The following STK33 variants were observed in gnomAD, a reference collection of about 807,000 sequenced individuals.
STK33 encodes the protein serine/threonine kinase 33.
STK33 carries 52 observed loss-of-function variants against 58.0 expected under a neutral mutation model. That is an observed-to-expected ratio of 0.90 (90% CI 0.72 to 1.13). STK33 has a LOEUF of 1.13. Among genes scored for constraint, STK33 ranks in the 50% most tolerant of loss-of-function variants. STK33 has a pLI of 0.00. For synonymous variants in STK33, 215 were observed against 200.1 expected, an observed-to-expected ratio of 1.07 and a Z score of -0.63; for missense variants, 630 against 604.2, an observed-to-expected ratio of 1.04 and a Z score of -0.45.
chr11:8,451,798 TA>T (rs1475155065), intron 11 of STK33, among the ~76,000 whole-genome samples: 3 of 152,184 alleles, frequency 2.0e-5, no homozygotes, highest in African/African-American at 7.2e-5. Context: ...TAAACTTCAA[TA>T]AAGCTGTTAA....
chr11:8,580,333 G>C (rs922421450), intron 1 of STK33, among the ~76,000 whole-genome samples: 5 of 152,158 alleles, frequency 3.3e-5, no homozygotes, highest in African/African-American at 1.2e-4. Context: ...GATGGAACTG[G>C]AGGTCATTAT....
chr11:8,459,211 A>G (rs936671347), intron 8 of STK33, among the ~76,000 whole-genome samples: 1 of 152,174 alleles, frequency 6.6e-6, no homozygotes, highest in African/African-American at 2.4e-5. Flanking sequence ...CCTGGAGAAC[A>G]CTTAGACTCA....
downstream of STK33, among the ~76,000 whole-genome samples, chr11:8,391,113 T>A (rs1042017976): frequency 6.6e-6 from 1 of 152,094 alleles, no homozygotes; most frequent in Admixed American, 6.5e-5. Flanking sequence ...ACTTAGCTAA[T>A]GAAGCCAGAG....
chr11:8,430,674 T>C (rs1460999702), intron 14 of STK33, among the ~76,000 whole-genome samples: 1 of 152,140 alleles, frequency 6.6e-6, no homozygotes, highest in East Asian at 1.9e-4. Flanking sequence ...TCTCTACCCG[T>C]GTTTTTGTTT....
At chr11:8,401,647 GCA>G (rs1369855085) in intron 15 of STK33, among the ~76,000 whole-genome samples, 26 of 152,192 alleles carry the variant, frequency 1.7e-4, no homozygotes, top group Non-Finnish European at 3.1e-4. Flanking sequence ...AAGAGCTTCT[GCA>G]TAGCAAAAGA....
the STK33 span, among the ~76,000 whole-genome samples, chr11:8,371,376 C>T: frequency 6.6e-6 from 1 of 152,090 alleles, no homozygotes; most frequent in Non-Finnish European, 1.5e-5. Flanking sequence ...CCAGGAGCCA[C>T]CAGGAACTGG....
In STK33 at chr11:8,487,653, T is replaced by C. The variant is rs551281755; in HGVS notation, c.-465-7039A>G. 2.0e-4 allele frequency among the ~76,000 whole-genome samples: 31 copies of C among 152,196 alleles called. 1 individual carries two copies. The South Asian group carries it at 3.5e-3, about 17-fold the overall frequency. Reference sequence around the variant, plus strand: ...CCATAAAGGCAGCAAGGAGGTCATTTCTTGAAGGGAAGATTGGTCAAAAGC... The same window carrying C: ...CCATAAAGGCAGCAAGGAGGTCATTCCTTGAAGGGAAGATTGGTCAAAAGC... On this transcript the variant is annotated intron_variant, in intron 1 of 15. Transcript: ENST00000687296.
intron 1 of STK33, among the ~76,000 whole-genome samples, chr11:8,509,659 C>T (rs1952149591): frequency 6.6e-6 from 1 of 152,092 alleles, no homozygotes; most frequent in Non-Finnish European, 1.5e-5. Flanking sequence ...TCCCTCACCC[C>T]CATCCATCCT....
At chr11:8,447,449 G>T (rs571503784) in intron 11 of STK33, among the ~76,000 whole-genome samples, 2 of 152,064 alleles carry the variant, frequency 1.3e-5, no homozygotes, top group African/African-American at 4.8e-5. Flanking sequence ...TGATCAAGTG[G>T]GCTTCATCTC....
At chr11:8,343,349 G>A in the STK33 span, among the ~76,000 whole-genome samples, 1 of 152,258 alleles carries the variant, frequency 6.6e-6, no homozygotes, top group Non-Finnish European at 1.5e-5. Context: ...TGTGAGGGAG[G>A]GCCAAAGATG....
intron 15 of STK33, among the ~76,000 whole-genome samples, chr11:8,395,986 A>G (rs1279061492): frequency 6.6e-6 from 1 of 152,226 alleles, no homozygotes; most frequent in Non-Finnish European, 1.5e-5. Context: ...ACAGTCATCC[A>G]TATTTTAATT....
chr11:8,362,744 C>T, the STK33 span, among the ~76,000 whole-genome samples: 2 of 152,160 alleles, frequency 1.3e-5, no homozygotes, highest in East Asian at 3.9e-4. Context: ...CCTGCACGGC[C>T]TCTCCCTGAA....
chr11:8,494,214 A>G (rs925940968), intron 1 of STK33, among the ~76,000 whole-genome samples: 3 of 152,222 alleles, frequency 2.0e-5, no homozygotes, highest in Admixed American at 1.3e-4. Flanking sequence ...GTCTCAGCCC[A>G]AAATCTCCTT....
At chr11:8,434,203 G>T in intron 14 of STK33, 1 of 168,576 alleles carries the variant, frequency 5.9e-6, no homozygotes, top group Non-Finnish European at 1.2e-5. Flanking sequence ...AGCCGAGATT[G>T]TGTCACTGCA....
intron 1 of STK33, among the ~76,000 whole-genome samples, chr11:8,581,157 T>A (rs2030138932): frequency 6.6e-6 from 1 of 152,184 alleles, no homozygotes. Context: ...TTCCTCACCT[T>A]GAGCCAAACC....
At chr11:8,519,130 T>C (rs1402792215) in intron 1 of STK33, among the ~76,000 whole-genome samples, 2 of 152,184 alleles carry the variant, frequency 1.3e-5, no homozygotes, top group African/African-American at 4.8e-5. Context: ...ACAGAAATTA[T>C]AACAAACTGT....
intron 15 of STK33, among the ~76,000 whole-genome samples, chr11:8,412,783 A>AT (rs1301286130): frequency 6.6e-6 from 1 of 152,128 alleles, no homozygotes; most frequent in African/African-American, 2.4e-5. Flanking sequence ...ATACAGAGAA[A>AT]TTTTCTGCAA....
chr11:8,455,354 AAAAC>A (rs755412609), intron 9 of STK33, among the ~76,000 whole-genome samples: 57 of 152,350 alleles, frequency 3.7e-4, no homozygotes, highest in African/African-American at 6.5e-4. Context: ...AGTAAAATAA[AAAAC>A]AAACAAACAA....
chr11:8,442,120 C>G (rs903273286), intron 11 of STK33, among the ~76,000 whole-genome samples: 3 of 151,440 alleles, frequency 2.0e-5, no homozygotes, highest in Admixed American at 6.6e-5. Flanking sequence ...TTTTCCTCTG[C>G]CTAGTGTTAA....
Sources: allele counts gnomAD v4.1 joint callset (sites outside exome capture counted in the v4.1 genomes callset), GRCh38; gene constraint gnomAD v4.1.1; transcripts MANE v1.5; gene names NCBI Gene and HGNC (gene_info 2026-07-23, HGNC 2026-07-21).